MAGI1: variants seen among roughly 807,000 people sequenced by gnomAD.
The protein encoded by MAGI1 is membrane-associated guanylate kinase, WW and PDZ domain-containing protein 1.
In MAGI1, 58 loss-of-function variants were observed where a neutral mutation model predicts 139.9. The ratio of observed to expected loss-of-function variants is 0.41; its 90% CI spans 0.34 to 0.52. The LOEUF is 0.52. Ranked by LOEUF, MAGI1 falls within the 20% of genes least tolerant of loss-of-function variation. MAGI1 has a pLI of 0.12. For synonymous variants in MAGI1, 812 were observed against 737.9 expected (o/e 1.10, Z -1.63); for missense variants, 1,874 against 1,901.6 (o/e 0.99, Z 0.27).
chr3:65,453,103 C>T, intron 6 of MAGI1, 155 bp downstream of exon 6: 1 of 645,136 alleles, frequency 1.6e-6, no homozygotes, highest in Non-Finnish European at 2.8e-6. Context: ...TGACTTTCTT[C>T]CTGCTTTTGT....
chr3:65,670,456 G>A (rs2086787689), intron 1 of MAGI1, among the ~76,000 whole-genome samples: 1 of 151,744 alleles, frequency 6.6e-6, no homozygotes, highest in Non-Finnish European at 1.5e-5. Context: ...TGGCTTTTAT[G>A]TAGGTTTCAT....
chr3:65,356,928 T>G lies in MAGI1; in HGVS notation c.3839A>C (p.His1280Pro). ...TTTCCTCGAAGTCCCATTCCAGGTG[T>G]GGTGTTCATTGGGTTGTCTGCTATA... ...REYSRQPNEHHTWNGTSRKPD... is the reference protein window; with the variant it reads ...REYSRQPNEHPTWNGTSRKPD... The change falls in exon 23 of 23, where the codon CAC (histidine) becomes CCC (proline). Residue 1280 changes from histidine to proline, a missense_variant. Physicochemically the swap from His to Pro is moderately conservative, Grantham distance 77. Coordinates refer to ENST00000402939, the MANE Select transcript of MAGI1 (RefSeq NM_001033057.2). The G allele has an allele frequency of 6.2e-7, 1 of 1,614,104 alleles. No homozygotes were observed. The highest frequency in any genetic ancestry group is 1.1e-5 in the South Asian group (1 of 91,078).
At chr3:65,640,664 T>G (rs901339863) in intron 1 of MAGI1, among the ~76,000 whole-genome samples, 1 of 152,250 alleles carries the variant, frequency 6.6e-6, no homozygotes, top group African/African-American at 2.4e-5. Context: ...CATTGTTGTA[T>G]GTTTATTCAC....
chr3:65,894,315 G>C (rs2060883609), intron 1 of MAGI1, among the ~76,000 whole-genome samples: 1 of 152,094 alleles, frequency 6.6e-6, no homozygotes, highest in South Asian at 2.1e-4. Flanking sequence ...TGCCAACACA[G>C]GCCCTTGTGA....
At chr3:65,509,012 C>G (rs2077427139) in intron 2 of MAGI1, among the ~76,000 whole-genome samples, 1 of 152,166 alleles carries the variant, frequency 6.6e-6, no homozygotes, top group Non-Finnish European at 1.5e-5. Flanking sequence ...GATGCATGAT[C>G]CTGGAGCTCT....
At chr3:65,949,391 A>C (rs911370106) in intron 1 of MAGI1, among the ~76,000 whole-genome samples, 1 of 152,240 alleles carries the variant, frequency 6.6e-6, no homozygotes, top group Non-Finnish European at 1.5e-5. Context: ...CAGACTTAAG[A>C]AAACAAAACA....
At chr3:65,988,850 A>G (rs1240101993) in intron 1 of MAGI1, among the ~76,000 whole-genome samples, 2 of 152,084 alleles carry the variant, frequency 1.3e-5, no homozygotes, top group Non-Finnish European at 2.9e-5. Flanking sequence ...CCACCCACTG[A>G]CTTATTAACA....
chr3:65,597,684 C>T (rs1189862737), intron 2 of MAGI1: 3 of 456,502 alleles, frequency 6.6e-6, no homozygotes, highest in Non-Finnish European at 1.3e-5. Flanking sequence ...CTCAAACCTC[C>T]GGTGGCAGGG....
At chr3:65,579,896 A>C (rs1357169190) in intron 2 of MAGI1, among the ~76,000 whole-genome samples, 1 of 151,738 alleles carries the variant, frequency 6.6e-6, no homozygotes, top group Non-Finnish European at 1.5e-5. Flanking sequence ...TAAAAAAGCC[A>C]ATGAAACTAG....
Position 65,361,216 on chromosome 3 carries a change from C to T in MAGI1, c.3617G>A (p.Gly1206Asp). 1 of 1,614,142 alleles carries T rather than the reference C, an allele frequency of 6.2e-7. No individual in the cohort carries two copies. Among genetic ancestry groups the T allele is most frequent in the Non-Finnish European group, 8.5e-7 (1 of 1,180,000 alleles). ...TGACCCACCATATTCTGGTACTGAGCCGTCTCCCCGCTTCAGAAACAGACG... is the reference window on the plus strand; with the variant it reads ...TGACCCACCATATTCTGGTACTGAGTCGTCTCCCCGCTTCAGAAACAGACG... ...RVRLFLKRGD[G>D]SVPEYDPSSD... The change falls in exon 22 of 23, where the codon GGC becomes GAC. Residue 1206 changes from glycine to aspartate, a missense_variant. Transcript: ENST00000402939.
intron 1 of MAGI1, among the ~76,000 whole-genome samples, chr3:65,755,451 T>C (rs1255297324): frequency 6.6e-6 from 1 of 152,102 alleles, no homozygotes; most frequent in Non-Finnish European, 1.5e-5. Flanking sequence ...CATGTGAAAG[T>C]GTATCTGAAT....
At chr3:65,373,085 G>A (rs954844402) in intron 18 of MAGI1, among the ~76,000 whole-genome samples, 2 of 152,138 alleles carry the variant, frequency 1.3e-5, no homozygotes, top group African/African-American at 4.8e-5. Context: ...TTAGCATGAG[G>A]GATCTAGCTT....
chr3:65,399,818 T>G (rs1944710933), intron 13 of MAGI1, among the ~76,000 whole-genome samples: 1 of 152,150 alleles, frequency 6.6e-6, no homozygotes, highest in South Asian at 2.1e-4. Flanking sequence ...GAAACAGAAA[T>G]GCAAATGAAT....
intron 1 of MAGI1, among the ~76,000 whole-genome samples, chr3:65,715,338 T>C (rs866764166): frequency 6.6e-6 from 1 of 152,254 alleles, no homozygotes; most frequent in African/African-American, 2.4e-5. Flanking sequence ...TTCATCCTTC[T>C]CTCCAGGTCA....
chr3:65,928,677 T>C (rs1445457722), intron 1 of MAGI1, among the ~76,000 whole-genome samples: 2 of 152,186 alleles, frequency 1.3e-5, no homozygotes, highest in African/African-American at 2.4e-5. Context: ...ATTTCCACGG[T>C]TCTAATCACT....
rs963479727 is a variant in MAGI1 at position 65,966,092 on chromosome 3, G to A, written c.313+71904C>T. 5.9e-5 allele frequency among the ~76,000 whole-genome samples: 9 copies of A among 152,168 alleles called. No individual in the cohort carries two copies. In the South Asian group the frequency reaches 1.0e-3, roughly 18 times the overall value. On this transcript the variant is annotated intron_variant, in intron 1 of 22. Coordinates refer to ENST00000402939, the MANE Select transcript of MAGI1 (RefSeq NM_001033057.2). The stretch of plus-strand genomic sequence containing the variant: ...TTCCATGTATGAGATAGAGTCAGTA[G>A]TATACTTATTTCTATTTTCTAACCT...
intron 1 of MAGI1, among the ~76,000 whole-genome samples, chr3:65,848,623 G>C (rs752839349): frequency 2.9e-4 from 43 of 150,600 alleles, no homozygotes; most frequent in Non-Finnish European, 5.8e-4. Context: ...AGTTTTCACT[G>C]AAGGGAAGAA....
intron 1 of MAGI1, among the ~76,000 whole-genome samples, chr3:65,928,436 T>C (rs534367561): frequency 3.9e-5 from 6 of 152,306 alleles, no homozygotes; most frequent in East Asian, 1.9e-4. Context: ...ACTGGTACCA[T>C]TGTTTCAACA....
intron 5 of MAGI1, among the ~76,000 whole-genome samples, chr3:65,459,139 T>C (rs11711704): frequency 0.12 from 18,926 of 152,214 alleles, 1,540 homozygotes; most frequent in Middle Eastern, 0.17. Context: ...TCTGGTTCTC[T>C]ATTCTGTTCC....
Sources: gnomAD v4.1 joint callset for allele counts (sites outside exome capture counted in the v4.1 genomes callset) on GRCh38, gnomAD v4.1.1 for gene constraint, MANE v1.5 for transcripts, NCBI Gene and HGNC (gene_info 2026-07-23, HGNC 2026-07-21) for gene names.